The following NALF1 variants were observed in gnomAD, a reference collection of about 807,000 sequenced individuals.
NALF1 encodes the protein NALCN channel auxiliary factor 1.
NALF1 carries 3 observed loss-of-function variants against 48.4 expected under a neutral mutation model. The ratio of observed to expected loss-of-function variants is 0.06; its 90% CI spans 0.03 to 0.16. NALF1 has a LOEUF of 0.16. NALF1 is among the 10% of genes least tolerant of loss of function. The pLI is 1.00. For missense variants in NALF1, 526 were observed against 571.5 expected (o/e 0.92, Z 0.81); for synonymous variants, 262 against 245.7 (o/e 1.07, Z -0.62).
intron 1 of NALF1, among the ~76,000 whole-genome samples, chr13:107,777,554 C>T (rs574223225): frequency 5.9e-5 from 9 of 152,116 alleles, no homozygotes; most frequent in East Asian, 1.9e-4. Flanking sequence ...GCACCTTCCC[C>T]GCAACTCTTT....
At chr13:107,791,748 C>T (rs2138587664) in intron 1 of NALF1, among the ~76,000 whole-genome samples, 1 of 151,502 alleles carries the variant, frequency 6.6e-6, no homozygotes, top group East Asian at 2.0e-4. Flanking sequence ...GTCAGGAGTT[C>T]CAGACCAGCC....
chr13:107,693,603 C>CT lies in NALF1; in HGVS notation c.915+172078dup, dbSNP rs59720340. ...AAGGTTACTTTAGAAAGGCATTTTTCTTTTTTTTTTTTTCCTTTATAATGG... is the reference window on the plus strand; with the variant it reads ...AAGGTTACTTTAGAAAGGCATTTTTCTTTTTTTTTTTTTTCCTTTATAATGG... On this transcript the variant is annotated intron_variant, in intron 1 of 2. Coordinates refer to ENST00000375915, the MANE Select transcript of NALF1 (RefSeq NM_001080396.3). Among the ~76,000 whole-genome samples, 1,096 of 142,484 alleles carry CT rather than the reference C, an allele frequency of 7.7e-3. 8 individuals carry two copies. The highest frequency in any genetic ancestry group is 0.023 in the African/African-American group (885 of 38,934). 93.5% of individuals were successfully genotyped at this position (142,484 alleles called of 152,430 possible). A position where few individuals can be genotyped will look rare whatever the true frequency, so the allele number is the denominator to read the frequency against.
chr13:107,859,687 G>A (rs971224822), intron 1 of NALF1, among the ~76,000 whole-genome samples: 2 of 152,060 alleles, frequency 1.3e-5, no homozygotes, highest in Admixed American at 6.6e-5. Context: ...TGGATCATTT[G>A]AGGTCAGGAG....
rs200290576 is a variant in NALF1 at position 107,389,405 on chromosome 13, AGAAGAAATGTG to A, written c.916-178661_916-178651del. Among the ~76,000 whole-genome samples the A allele has an allele frequency of 6.2e-3, 942 of 152,306 alleles. 13 individuals are homozygous for A. Among genetic ancestry groups the A allele is most frequent in the Non-Finnish European group, 5.0e-3 (343 of 68,022 alleles). On this transcript the variant is annotated intron_variant, in intron 1 of 2. Transcript: ENST00000375915. Reference sequence around the variant, plus strand: ...ATTATAGTTGGTGTCCTTATGAAAAAGAAGAAATGTGGATACATGTGTAGAAGAAAGACGAC... The same window carrying A: ...ATTATAGTTGGTGTCCTTATGAAAAAGATACATGTGTAGAAGAAAGACGAC...
At chr13:107,450,027 G>T (rs528124862) in intron 1 of NALF1, among the ~76,000 whole-genome samples, 2 of 152,162 alleles carry the variant, frequency 1.3e-5, no homozygotes, top group South Asian at 4.2e-4. Flanking sequence ...GTGGATAAAC[G>T]GGTGATATAT....
chr13:107,804,652 C>A (rs940981778), intron 1 of NALF1, among the ~76,000 whole-genome samples: 2 of 152,088 alleles, frequency 1.3e-5, no homozygotes, highest in Admixed American at 6.6e-5. Flanking sequence ...AGGAGAATAT[C>A]GGCACACTGT....
intron 1 of NALF1, among the ~76,000 whole-genome samples, chr13:107,851,409 C>A (rs965408380): frequency 6.6e-6 from 1 of 151,544 alleles, no homozygotes; most frequent in Non-Finnish European, 1.5e-5. Context: ...ATGGAGTGAT[C>A]ACATCACTGT....
chr13:107,374,980 T>C (rs1428116939), intron 1 of NALF1, among the ~76,000 whole-genome samples: 3 of 152,192 alleles, frequency 2.0e-5, no homozygotes, highest in Admixed American at 6.5e-5. Flanking sequence ...CAAAACAGAC[T>C]AAGAGAGTAT....
intron 1 of NALF1, among the ~76,000 whole-genome samples, chr13:107,280,686 C>T (rs1395575813): frequency 1.3e-5 from 2 of 152,292 alleles, no homozygotes; most frequent in East Asian, 3.9e-4. Context: ...ACTTAAGAGT[C>T]TTTCTATTCC....
At chr13:107,739,648 C>T (rs1411419387) in intron 1 of NALF1, among the ~76,000 whole-genome samples, 3 of 151,996 alleles carry the variant, frequency 2.0e-5, no homozygotes, top group African/African-American at 7.2e-5. Context: ...TTTATTAAGA[C>T]CTCAAGAAAC....
chr13:107,487,465 T>G (rs1199366024), intron 1 of NALF1, among the ~76,000 whole-genome samples: 1 of 152,190 alleles, frequency 6.6e-6, no homozygotes, highest in Non-Finnish European at 1.5e-5. Context: ...TTAAAATACA[T>G]TAGGGTGTGC....
At chr13:107,228,386 T>C (rs762539838) in intron 1 of NALF1, among the ~76,000 whole-genome samples, 1 of 151,878 alleles carries the variant, frequency 6.6e-6, no homozygotes, top group Admixed American at 6.6e-5. Flanking sequence ...AGTAGTGAAA[T>C]TGGAAAAACA....
Position 107,866,918 on chromosome 13 carries a change from G to A in NALF1, c.-322C>T, listed in dbSNP as rs549127147. Among the ~76,000 whole-genome samples the A allele has an allele frequency of 3.3e-5, 5 of 152,174 alleles. No homozygotes were observed. In the South Asian group the frequency reaches 1.0e-3, roughly 32 times the overall value. ...AATAATGGAGAGAGAGAGAGAGAGA[G>A]AGACGGAGGAGGCTGGTGCTGGTGG... is the stretch of plus-strand genomic sequence containing the variant. On this transcript the variant is annotated 5_prime_UTR_variant, in exon 1 of 3. Coordinates refer to ENST00000375915, the MANE Select transcript of NALF1 (RefSeq NM_001080396.3). The surrounding 1 kb of genome is among the most constrained non-coding windows in gnomAD (Gnocchi z 4.4).
intron 1 of NALF1, among the ~76,000 whole-genome samples, chr13:107,347,488 A>C (rs1487913121): frequency 6.6e-6 from 1 of 152,206 alleles, no homozygotes; most frequent in Admixed American, 6.5e-5. Context: ...AGTCCATGTA[A>C]TTATCACAAG....
At chr13:107,470,843 AATAAT>A (rs960517302) in intron 1 of NALF1, among the ~76,000 whole-genome samples, 188 of 150,682 alleles carry the variant, frequency 1.2e-3, no homozygotes, top group African/African-American at 4.5e-3. Flanking sequence ...CACACAAAAT[AATAAT>A]ATAAGATTAT....
At chr13:107,432,912 T>TA (rs1190470202) in intron 1 of NALF1, among the ~76,000 whole-genome samples, 1 of 152,198 alleles carries the variant, frequency 6.6e-6, no homozygotes, top group Non-Finnish European at 1.5e-5. Flanking sequence ...TATGGTAAAT[T>TA]AGACATTCAT....
At chr13:107,642,971 G>A (rs894106946) in intron 1 of NALF1, among the ~76,000 whole-genome samples, 3 of 152,106 alleles carry the variant, frequency 2.0e-5, no homozygotes, top group African/African-American at 7.2e-5. Flanking sequence ...CATGGATGAG[G>A]GTCACAGCAC....
intron 1 of NALF1, among the ~76,000 whole-genome samples, chr13:107,407,984 A>G (rs1883928125): frequency 1.3e-5 from 2 of 152,094 alleles, no homozygotes; most frequent in Non-Finnish European, 2.9e-5. Flanking sequence ...ATTAAGTTAA[A>G]TGAAATAAGC....
chr13:107,357,477 C>T (rs976529084), intron 1 of NALF1, among the ~76,000 whole-genome samples: 10 of 152,042 alleles, frequency 6.6e-5, no homozygotes, highest in Admixed American at 5.2e-4. Context: ...ATATCAATCA[C>T]GTAGAAAGCA....
Sources: allele counts gnomAD v4.1 joint callset (sites outside exome capture counted in the v4.1 genomes callset), GRCh38; gene constraint gnomAD v4.1.1; non-coding constraint Gnocchi (gnomAD v3.1); transcripts MANE v1.5; gene names NCBI Gene and HGNC (gene_info 2026-07-23, HGNC 2026-07-21).